FMNL2: variants seen among roughly 807,000 people sequenced by gnomAD.
FMNL2 encodes the protein formin-like protein 2.
Under a neutral mutation model 130.2 loss-of-function variants are expected in FMNL2, and 51 were observed. The observed-to-expected ratio is 0.39, with a 90% confidence interval of 0.31 to 0.49. The LOEUF (loss-of-function observed/expected upper bound fraction) is 0.49. FMNL2 is among the 20% of genes least tolerant of loss of function. FMNL2 has a pLI of 0.85. For missense variants in FMNL2, 977 were observed against 1,316.2 expected (o/e 0.74, Z 3.99); for synonymous variants, 465 against 467.1 (o/e 1.00, Z 0.06).
intron 12 of FMNL2, among the ~76,000 whole-genome samples, chr2:152,616,466 G>T (rs969258967): frequency 6.6e-6 from 1 of 151,778 alleles, no homozygotes; most frequent in Non-Finnish European, 1.5e-5. Context: ...TGGTAGCTGG[G>T]ATTACAGGTG....
Position 152,628,393 on chromosome 2 carries a change from C to T in FMNL2, c.2260C>T (p.Arg754Trp), listed in dbSNP as rs758438483. ...NEVKVLRLYE[R>W]ERKPLENLSD... is the part of the protein sequence containing the mutation. ...AGTGAAAGTGCTTCGGCTCTACGAGCGGGAAAGGAAGCCTCTGGAAAACTT... is the reference window on the plus strand; with the variant it reads ...AGTGAAAGTGCTTCGGCTCTACGAGTGGGAAAGGAAGCCTCTGGAAAACTT... Residue 754 changes from arginine to tryptophan, a missense_variant, in exon 18 of 26, where the codon CGG (arginine) becomes TGG (tryptophan). Transcript: ENST00000288670. 10 of 1,613,854 alleles carry T rather than the reference C, an allele frequency of 6.2e-6. No homozygotes were observed. In the South Asian group the frequency reaches 7.7e-5, roughly 12 times the overall value.
chr2:152,509,092 TAGCAC>T (rs1692341872), intron 1 of FMNL2, among the ~76,000 whole-genome samples: 1 of 152,200 alleles, frequency 6.6e-6, no homozygotes, highest in South Asian at 2.1e-4. Context: ...CACACTTGGG[TAGCAC>T]TTTACACCTA....
chr2:152,455,306 A>G (rs2105091586), intron 1 of FMNL2, among the ~76,000 whole-genome samples: 1 of 152,300 alleles, frequency 6.6e-6, no homozygotes, highest in East Asian at 1.9e-4. Flanking sequence ...GAGGAGAAAA[A>G]GCAAATAAAG....
At chr2:152,514,040 G>A (rs981511133) in intron 1 of FMNL2, among the ~76,000 whole-genome samples, 1 of 152,106 alleles carries the variant, frequency 6.6e-6, no homozygotes, top group Non-Finnish European at 1.5e-5. Context: ...TGGATTTTAG[G>A]TGAGGGGAAT....
Position 152,413,307 on chromosome 2 carries a change from A to G in FMNL2, c.117+77587A>G, listed in dbSNP as rs762704144. Among the ~76,000 whole-genome samples, 61 of 151,908 alleles carry G rather than the reference A, an allele frequency of 4.0e-4. 2 individuals are homozygous for G. Among genetic ancestry groups the G allele is most frequent in the Non-Finnish European group, 2.6e-4 (18 of 67,998 alleles). On this transcript the variant is annotated intron_variant, in intron 1 of 25. Transcript: ENST00000288670. ...GTCCTTGAGGAGTAAGAATTGTGCT[A>G]TTTTTCATTGCATTCCTGACATGCT...
chr2:152,614,166 C>T (rs72871129), intron 11 of FMNL2, among the ~76,000 whole-genome samples: 8,613 of 152,298 alleles, frequency 0.057, 344 homozygotes, highest in East Asian at 0.14. Context: ...CAGTCTTTTC[C>T]ACTACACAGA....
intron 2 of FMNL2, among the ~76,000 whole-genome samples, chr2:152,532,711 G>A (rs987181470): frequency 4.6e-5 from 7 of 151,018 alleles, no homozygotes; most frequent in African/African-American, 1.5e-4. Flanking sequence ...GGGTTCAAGC[G>A]ATTCTCCTGC....
chr2:152,372,968 G>A (rs1286874720), intron 1 of FMNL2, among the ~76,000 whole-genome samples: 1 of 152,186 alleles, frequency 6.6e-6, no homozygotes, highest in Non-Finnish European at 1.5e-5. Context: ...TTTGGGTTAG[G>A]TGGGGCATAT....
At chr2:152,425,169 C>A (rs988302310) in intron 1 of FMNL2, among the ~76,000 whole-genome samples, 1 of 152,144 alleles carries the variant, frequency 6.6e-6, no homozygotes, top group African/African-American at 2.4e-5. Flanking sequence ...AGGAGCAGTC[C>A]AGTTTTCTGG....
At chr2:152,575,052 T>G (rs1696399913) in intron 6 of FMNL2, 84 bp from the exon 7 acceptor site, 1 of 715,844 alleles carries the variant, frequency 1.4e-6, no homozygotes, top group African/African-American at 1.8e-5. Flanking sequence ...TTGGTACTGG[T>G]GAAGAGTAGT....
rs543291599 is a variant in FMNL2, at chr2:152,517,012, G to A, written c.118-4931G>A. ...TGTACAATTATGGATAAAAACCAAA[G>A]TAGAGACCATACATGTAACTACCAC... On this transcript the variant is annotated intron_variant, in intron 1 of 25. Transcript: ENST00000288670. Among the ~76,000 whole-genome samples, 30 of 152,116 alleles carry A rather than the reference G, an allele frequency of 2.0e-4. No individual in the cohort carries two copies. The South Asian group carries it at 4.8e-3, about 24-fold the overall frequency.
intron 2 of FMNL2, chr2:152,539,050 A>G (rs1475742081): frequency 6.6e-6 from 1 of 152,152 alleles, no homozygotes; most frequent in South Asian, 2.1e-4. Context: ...ACACTTTTAA[A>G]ACTGCTTCAT....
chr2:152,375,850 G>GCT (rs71394477), intron 1 of FMNL2, among the ~76,000 whole-genome samples: 2,227 of 100,522 alleles, frequency 0.022, 78 homozygotes, highest in African/African-American at 0.062. Flanking sequence ...AGCCATTGAA[G>GCT]CTCTCTCTCT....
chr2:152,623,159 G>C (rs1270340303), intron 15 of FMNL2, among the ~76,000 whole-genome samples: 1 of 152,180 alleles, frequency 6.6e-6, no homozygotes, highest in Non-Finnish European at 1.5e-5. Flanking sequence ...CTTCTAGCGA[G>C]CGTCATGAGC....
chr2:152,420,590 A>AG (rs1686858629), intron 1 of FMNL2, among the ~76,000 whole-genome samples: 1 of 152,202 alleles, frequency 6.6e-6, no homozygotes, highest in South Asian at 2.1e-4. Flanking sequence ...ATCAATGGTG[A>AG]GCTCATCTCT....
In FMNL2 at chr2:152,580,170, G is replaced by A. The variant is rs1309014109; in HGVS notation, c.783-786G>A. On this transcript the variant is annotated intron_variant, in intron 8 of 25. Transcript: ENST00000288670. Reference sequence around the variant, plus strand: ...TTTAAAAGACAATTGACATTGTGGAGTATCAGAACAGTTTTTGTTTAGAAG... The same window carrying A: ...TTTAAAAGACAATTGACATTGTGGAATATCAGAACAGTTTTTGTTTAGAAG... Among the ~76,000 whole-genome samples the A allele has an allele frequency of 2.0e-5, 3 of 152,140 alleles. 1 individual carries two copies. Among genetic ancestry groups the A allele is most frequent in the Non-Finnish European group, 4.4e-5 (3 of 68,030 alleles).
chr2:152,626,855 A>T (rs866793314), intron 17 of FMNL2, 128 bp downstream of exon 17: 2 of 966,674 alleles, frequency 2.1e-6, no homozygotes, highest in Admixed American at 5.6e-5. Context: ...GCAATTTTTG[A>T]TATCCACACT....
intron 1 of FMNL2, among the ~76,000 whole-genome samples, chr2:152,343,591 C>T (rs529482392): frequency 7.9e-5 from 12 of 152,250 alleles, no homozygotes; most frequent in South Asian, 2.1e-4. Context: ...CCACCACACC[C>T]GGCTTAAATA....
chr2:152,384,632 CTT>C (rs936679597), intron 1 of FMNL2, among the ~76,000 whole-genome samples: 1 of 152,140 alleles, frequency 6.6e-6, no homozygotes, highest in African/African-American at 2.4e-5. Context: ...AAGGTGGACT[CTT>C]CTCCTCGGTT....
Sources: gnomAD v4.1 joint callset for allele counts (sites outside exome capture counted in the v4.1 genomes callset) on GRCh38, gnomAD v4.1.1 for gene constraint, MANE v1.5 for transcripts, NCBI Gene and HGNC (gene_info 2026-07-23, HGNC 2026-07-21) for gene names.